The following CAMTA1 variants were observed in gnomAD, a reference collection of about 807,000 sequenced individuals.
The protein encoded by CAMTA1 is calmodulin-binding transcription activator 1.
A neutral mutation model predicts 170.9 loss-of-function variants in CAMTA1; 27 were observed. That is an observed-to-expected ratio of 0.16 (90% CI 0.12 to 0.22). The LOEUF is 0.22. CAMTA1 is among the 10% of genes least tolerant of loss of function. CAMTA1 has a pLI of 1.00. For synonymous variants in CAMTA1, 833 were observed against 891.5 expected (o/e 0.93, Z 1.17); for missense variants, 1,619 against 2,217.2 (o/e 0.73, Z 5.42).
intron 16 of CAMTA1, among the ~76,000 whole-genome samples, chr1:7,741,090 AC>A (rs2096809410): frequency 6.6e-6 from 1 of 152,192 alleles, no homozygotes; most frequent in Admixed American, 6.5e-5. Flanking sequence ...TAAATAGAAG[AC>A]GAATAATGTT....
chr1:6,787,236 C>T (rs1031223391), intron 1 of CAMTA1, among the ~76,000 whole-genome samples: 4 of 152,212 alleles, frequency 2.6e-5, no homozygotes, highest in African/African-American at 7.2e-5. Flanking sequence ...CCTTTCCATT[C>T]AGAAAAGGGA....
intron 3 of CAMTA1, among the ~76,000 whole-genome samples, chr1:7,069,303 G>C (rs181110197): frequency 6.6e-6 from 1 of 152,328 alleles, no homozygotes; most frequent in East Asian, 1.9e-4. Flanking sequence ...ACAAATATGA[G>C]ACTCAGAGAT....
chr1:7,105,310 C>T (rs1200544614), intron 4 of CAMTA1, among the ~76,000 whole-genome samples: 1 of 151,976 alleles, frequency 6.6e-6, no homozygotes, highest in African/African-American at 2.4e-5. Flanking sequence ...ATTAATTTAC[C>T]AAGTTAAGGT....
At chr1:7,120,784 T>C (rs1383999147) in intron 4 of CAMTA1, among the ~76,000 whole-genome samples, 1 of 152,210 alleles carries the variant, frequency 6.6e-6, no homozygotes, top group Non-Finnish European at 1.5e-5. Flanking sequence ...ATCCTCCCTA[T>C]GGGTCAAGAG....
In CAMTA1 at chr1:7,737,338, T is replaced by C. The variant is rs1318202671; in HGVS notation, c.3426T>C (p.Ser1142=). 6.2e-7 allele frequency: 1 copy of C among 1,614,144 alleles called. No individual in the cohort carries two copies. The highest frequency in any genetic ancestry group is 1.7e-5 in the Admixed American group (1 of 60,026). The part of the protein sequence containing the change: ...WDRRAISIPD[S]LGRLPLGIAR... ...GTCGGGCCATCTCGATTCCCGACTCTCTAGGAAGGCTGCCTTTGGGAATTG... is the reference window on the plus strand; with the variant it reads ...GTCGGGCCATCTCGATTCCCGACTCCCTAGGAAGGCTGCCTTTGGGAATTG... The change falls in exon 15 of 23, where the codon TCT becomes TCC. Residue 1142 remains serine, a synonymous_variant. Coordinates refer to ENST00000303635, the MANE Select transcript of CAMTA1 (RefSeq NM_015215.4).
chr1:7,141,988 T>A (rs1645916046), intron 4 of CAMTA1: 1 of 448,750 alleles, frequency 2.2e-6, no homozygotes, highest in Non-Finnish European at 4.5e-6. Flanking sequence ...TCCTCTGACT[T>A]CCCCTGCTTT....
intron 3 of CAMTA1, among the ~76,000 whole-genome samples, chr1:6,977,336 T>C (rs1299236071): frequency 1.3e-5 from 2 of 152,018 alleles, no homozygotes; most frequent in African/African-American, 4.8e-5. Context: ...CAAAGCTTTT[T>C]TTTTTTTTTA....
intron 3 of CAMTA1, among the ~76,000 whole-genome samples, chr1:7,051,197 A>C (rs1031399553): frequency 7.2e-5 from 11 of 152,140 alleles, no homozygotes; most frequent in African/African-American, 2.7e-4. Flanking sequence ...GTTCTCTCCC[A>C]GTGCTTATGA....
intron 5 of CAMTA1, among the ~76,000 whole-genome samples, chr1:7,359,714 T>C (rs705675): frequency 0.92 from 139,534 of 152,226 alleles, 64,026 homozygotes; most frequent in East Asian, 1. Flanking sequence ...AGAGCTGGCA[T>C]GAGGGCTCCA....
intron 5 of CAMTA1, among the ~76,000 whole-genome samples, chr1:7,272,759 C>T (rs1389221781): frequency 1.7e-5 from 2 of 116,714 alleles, no homozygotes; most frequent in Non-Finnish European, 3.7e-5. Context: ...TCATACCATA[C>T]AGAAAAAATA....
chr1:7,661,765 G>A lies in CAMTA1; in HGVS notation c.704G>A (p.Ser235Asn), dbSNP rs1209693855. 5.6e-6 allele frequency: 9 copies of A among 1,614,002 alleles called. No homozygotes were observed. Among genetic ancestry groups the A allele is most frequent in the Middle Eastern group, 1.6e-4 (1 of 6,062 alleles). ...TGGACCTGCAGCAATGGGAACAGCA[G>A]CTCAGGCTTCTCGGTGGAACAGCTG... is the stretch of plus-strand genomic sequence containing the variant. ...IKWTCSNGNS[S>N]SGFSVEQLVQ... Residue 235 changes from serine (S) to asparagine (N), a missense_variant, in exon 8 of 23, where the codon AGC (serine) becomes AAC (asparagine). Physicochemically the swap from Ser to Asn is conservative, Grantham distance 46 (BLOSUM62 1). Coordinates refer to ENST00000303635, the MANE Select transcript of CAMTA1 (RefSeq NM_015215.4).
intron 3 of CAMTA1, among the ~76,000 whole-genome samples, chr1:7,086,237 A>G (rs535194149): frequency 2.0e-5 from 3 of 152,094 alleles, no homozygotes; most frequent in Non-Finnish European, 4.4e-5. Context: ...CATTCTTCTC[A>G]GCATCGATGT....
intron 4 of CAMTA1, among the ~76,000 whole-genome samples, chr1:7,180,491 C>G (rs1219693821): frequency 6.8e-6 from 1 of 146,480 alleles, no homozygotes; most frequent in Non-Finnish European, 1.5e-5. Flanking sequence ...CCTGAAGGAA[C>G]TACCCCAAAT....
chr1:7,139,489 G>A (rs76769298), intron 4 of CAMTA1, among the ~76,000 whole-genome samples: 1,838 of 151,820 alleles, frequency 0.012, 31 homozygotes, highest in African/African-American at 0.04. Context: ...TTTTCCAGGG[G>A]CATGTTTGCT....
chr1:7,766,576 A>T lies in CAMTA1; in HGVS notation c.*85A>T. ...GTTTTTAGCAGAGACATGCAACAAC[A>T]ACACACACGCACACACGCACACACA... On this transcript the variant is annotated 3_prime_UTR_variant, in exon 23 of 23. Transcript: ENST00000303635. The T allele has an allele frequency of 2.5e-6, 3 of 1,219,762 alleles. No homozygotes were observed. Among genetic ancestry groups the T allele is most frequent in the Non-Finnish European group, 3.6e-6 (3 of 822,712 alleles). 75.6% of individuals were successfully genotyped at this position (1,219,762 alleles called of 1,614,324 possible).
chr1:6,986,631 G>C (rs1695403800), intron 3 of CAMTA1, among the ~76,000 whole-genome samples: 1 of 152,118 alleles, frequency 6.6e-6, no homozygotes, highest in Non-Finnish European at 1.5e-5. Context: ...GCGAGTGCTG[G>C]GGCTTGCAGA....
At chr1:7,470,929 T>C (rs937648423) in intron 6 of CAMTA1, among the ~76,000 whole-genome samples, 3 of 152,170 alleles carry the variant, frequency 2.0e-5, no homozygotes, top group African/African-American at 7.2e-5. Flanking sequence ...CATGAATTCC[T>C]GTCTCCCCTG....
chr1:7,390,497 T>G (rs845225), intron 5 of CAMTA1, among the ~76,000 whole-genome samples: 2,377 of 152,274 alleles, frequency 0.016, 72 homozygotes, highest in African/African-American at 0.054. Flanking sequence ...GGATTGGCCC[T>G]GCTGCTTACT....
intron 5 of CAMTA1, among the ~76,000 whole-genome samples, chr1:7,399,992 C>A (rs2089765572): frequency 1.3e-5 from 2 of 152,202 alleles, no homozygotes; most frequent in African/African-American, 4.8e-5. Context: ...TTTTGAGCTT[C>A]ATGGATCTAG....
Sources: gnomAD v4.1 joint callset for allele counts (sites outside exome capture counted in the v4.1 genomes callset) on GRCh38, gnomAD v4.1.1 for gene constraint, MANE v1.5 for transcripts, NCBI Gene and HGNC (gene_info 2026-07-23, HGNC 2026-07-21) for gene names.